The following PLCH2 variants were observed in gnomAD, a reference collection of about 807,000 sequenced individuals.
The protein encoded by PLCH2 is phospholipase C eta 2.
PLCH2 carries 98 observed loss-of-function variants against 134.7 expected under a neutral mutation model. The observed-to-expected ratio is 0.73, with a 90% CI of 0.62 to 0.86. The LOEUF is 0.86. Ranked by LOEUF, PLCH2 falls within the 40% of genes least tolerant of loss-of-function variation. PLCH2 has a pLI of 0.00. For synonymous variants in PLCH2, 974 were observed against 827.5 expected, an observed-to-expected ratio of 1.18 and a Z score of -3.04; for missense variants, 1,994 against 1,986.6, an observed-to-expected ratio of 1.00 and a Z score of -0.07.
rs1054122932 is a variant in PLCH2 at position 2,499,525 on chromosome 1, C to T, written c.2582-116C>T. The T allele has an allele frequency of 9.1e-5, 75 of 821,780 alleles. 1 individual carries two copies. Among genetic ancestry groups the T allele is most frequent in the Non-Finnish European group, 1.5e-4 (75 of 498,770 alleles). 50.9% of individuals were successfully genotyped at this position (821,780 alleles called of 1,614,324 possible). A position where few individuals can be genotyped will look rare whatever the true frequency, so the allele number is the denominator to read the frequency against. ...CCCACAGGAGGCAGAGGCCCCAGGC[C>T]TGGGCTTGTTGGGTGTATCTGGGGT... On this transcript the variant is annotated intron_variant, in intron 19 of 21. Transcript: ENST00000378486.
At chr1:2,474,054 C>T (rs541746035), upstream of PLCH2, among the ~76,000 whole-genome samples, 1 of 152,344 alleles carries the variant, frequency 6.6e-6, no homozygotes, top group South Asian at 2.1e-4. Flanking sequence ...TGTGGGCTTT[C>T]AGGATGGCCG....
rs77031436 is a variant in PLCH2 at position 2,480,274 on chromosome 1, G to A, written c.607G>A (p.Val203Met). 5.0e-6 allele frequency: 8 copies of A among 1,612,716 alleles called. No individual in the cohort carries two copies. Among genetic ancestry groups the A allele is most frequent in the East Asian group, 2.2e-5 (1 of 44,884 alleles). ...CCTGCAGCTGCTGCACAAGCTCAAC[G>A]TGAACCTGCCCCGGCAGAGGGTGAA... ...EVLQLLHKLN[V>M]NLPRQRVKQM... The change falls in exon 4 of 22, where the codon GTG (valine) becomes ATG (methionine). Residue 203 changes from valine to methionine, a missense_variant. Val to Met is a conservative substitution (Grantham distance 21, BLOSUM62 1). Around this residue, in one of 2 missense-constraint regions of PLCH2, gnomAD observed 1,094 missense variants for 1,234.3 expected, o/e 0.89. Transcript: ENST00000378486.
upstream of PLCH2, among the ~76,000 whole-genome samples, chr1:2,467,218 G>A (rs955491419): frequency 3.3e-5 from 5 of 152,134 alleles, no homozygotes; most frequent in African/African-American, 1.2e-4. Context: ...ATGAACGGTG[G>A]GTGGTCGCTC....
In PLCH2 at chr1:2,505,296, G is replaced by A. The variant is rs892943061; in HGVS notation, c.*83G>A. On this transcript the variant is annotated 3_prime_UTR_variant, in exon 22 of 22. Coordinates refer to ENST00000378486, the MANE Select transcript of PLCH2 (RefSeq NM_014638.4). ...GTTTGCTCAGGAAACAGGGCAGCCA[G>A]GCCCCCAAAACTGTGTCCCCCTGGC... 7.1e-6 allele frequency: 8 copies of A among 1,124,818 alleles called. No individual in the cohort carries two copies. The Admixed American group carries it at 1.2e-4, about 17-fold the overall frequency. 69.7% of individuals were successfully genotyped at this position (1,124,818 alleles called of 1,614,324 possible). A position where few individuals can be genotyped will look rare whatever the true frequency, so the allele number is the denominator to read the frequency against.
Position 2,489,795 on chromosome 1 carries a change from G to A in PLCH2, c.1443G>A (p.Ala481=), listed in dbSNP as rs528118358. ...KKLPANISED[A]EEGEVSDEDS... is the part of the protein sequence containing the mutation. ...TCCCAGCCAACATCAGCGAGGATGCGGAGGAAGGCGAGGTGTCTGATGAGG... is the reference window on the plus strand; with the variant it reads ...TCCCAGCCAACATCAGCGAGGATGCAGAGGAAGGCGAGGTGTCTGATGAGG... The change falls in exon 10 of 22, where the codon GCG becomes GCA. Residue 481 remains alanine (A), a synonymous_variant. Coordinates refer to ENST00000378486, the MANE Select transcript of PLCH2 (RefSeq NM_014638.4). 29 of 1,613,724 alleles carry A rather than the reference G, an allele frequency of 1.8e-5. No individual in the cohort carries two copies. Among genetic ancestry groups the A allele is most frequent in the East Asian group, 4.5e-5 (2 of 44,880 alleles).
chr1:2,431,376 C>G (rs1639063437), intron 2 of PLCH2, among the ~76,000 whole-genome samples: 1 of 152,168 alleles, frequency 6.6e-6, no homozygotes, highest in Non-Finnish European at 1.5e-5. Flanking sequence ...CTGTGCCTCA[C>G]AGAGGTGGCT....
At chr1:2,489,563 G>A (rs1200142520) in intron 9 of PLCH2, among the ~76,000 whole-genome samples, 185 bp downstream of exon 9, 1 of 152,248 alleles carries the variant, frequency 6.6e-6, no homozygotes, top group Non-Finnish European at 1.5e-5. Context: ...GGCCCCTCAT[G>A]CACATCCAGG....
At chr1:2,488,798 C>T (rs1642411761) in intron 8 of PLCH2, among the ~76,000 whole-genome samples, 1 of 152,170 alleles carries the variant, frequency 6.6e-6, no homozygotes, top group Admixed American at 6.5e-5. Flanking sequence ...GGACAGGGTC[C>T]CCAGTATCTA....
rs567136550 is a variant in PLCH2 at position 2,435,549 on chromosome 1, G to T, written c.115+4920G>T. On this transcript the variant is annotated intron_variant, in intron 2 of 3. Coordinates refer to the PLCH2 transcript ENST00000609981. ...GGGGCCTCTCTTTGCAGGGACTGGG[G>T]AAGGGGCCAGGGACCTCAATGGGGT... Among the ~76,000 whole-genome samples, 11 of 152,242 alleles carry T rather than the reference G, an allele frequency of 7.2e-5. No homozygotes were observed. The South Asian group carries it at 1.5e-3, about 20-fold the overall frequency.
At position 2,497,070 on chromosome 1, in the gene PLCH2, A is replaced by G. The variant is rs929011763; in HGVS notation, c.2116+60A>G. On this transcript the variant is annotated intron_variant, in intron 15 of 21. Coordinates refer to ENST00000378486, the MANE Select transcript of PLCH2 (RefSeq NM_014638.4). Reference sequence around the variant, plus strand: ...GAGGGCTCGGCTCAGACGGTCCCTGAAGCCCAAGGGGCGAGCAGGGGACCC... The same window carrying G: ...GAGGGCTCGGCTCAGACGGTCCCTGGAGCCCAAGGGGCGAGCAGGGGACCC... 9 of 1,536,964 alleles carry G rather than the reference A, an allele frequency of 5.9e-6. No homozygotes were observed. The Admixed American group carries it at 1.7e-4, about 29-fold the overall frequency.
Position 2,503,154 on chromosome 1 carries a change from TG to T in PLCH2, c.2959+748del, listed in dbSNP as rs1027658701. ...GGAGCTGGTTTGAGGCCCGACAGGC[TG>T]GGAAGAACCAGCTGCTCTTGCTGAG... On this transcript the variant is annotated intron_variant, in intron 21 of 21. Transcript: ENST00000378486. 7 of 641,532 alleles carry T rather than the reference TG, an allele frequency of 1.1e-5. No homozygotes were observed. In the African/African-American group the frequency reaches 1.3e-4, roughly 11 times the overall value. The allele number at this position is 641,532 out of a possible 1,614,324, so 39.7% of individuals were successfully genotyped here.
At chr1:2,459,465 TCTCCTTCCTGGTGGTC>T (rs1557969699) in intron 2 of PLCH2, among the ~76,000 whole-genome samples, 10 of 22,054 alleles carry the variant, frequency 4.5e-4, no homozygotes, top group South Asian at 2.4e-3. Context: ...TCCTGGTGGT[TCTCCTTCCTGGTGGTC>T]CTCCTTCCTG....
chr1:2,483,982 TGTGGGGGGGCGCTG>T lies in PLCH2; in HGVS notation c.646-465_646-452del, dbSNP rs2100670135. Among the ~76,000 whole-genome samples the T allele has an allele frequency of 4.5e-5, 4 of 89,392 alleles. 2 individuals are homozygous for T. The highest frequency in any genetic ancestry group is 1.9e-4 in the African/African-American group (4 of 21,422). 58.6% of individuals were successfully genotyped at this position (89,392 alleles called of 152,430 possible). ...CCGTGTGGGGGGGCGCTGACTCCCG[TGTGGGGGGGCGCTG>T]ACTCCCGTGTGGGGGGGCGCTGACT... On this transcript the variant is annotated intron_variant, in intron 4 of 21. Coordinates refer to ENST00000378486, the MANE Select transcript of PLCH2 (RefSeq NM_014638.4).
upstream of PLCH2, among the ~76,000 whole-genome samples, chr1:2,425,292 C>A (rs1638738001): frequency 6.6e-6 from 1 of 151,920 alleles, no homozygotes; most frequent in Admixed American, 6.6e-5. Flanking sequence ...TATACACATG[C>A]ACAGATACAC....
At position 2,429,150 on chromosome 1, in the gene PLCH2, G is replaced by A. The variant is rs116169403; in HGVS notation, c.-177-1188G>A. On this transcript the variant is annotated intron_variant, in intron 1 of 3. Transcript: ENST00000609981. ...GGGGATTGGGTGCGAGGAGGGAGGC[G>A]AGGTCAAGGGTGGGGGTCCTACCTG... Among the ~76,000 whole-genome samples, 972 of 152,280 alleles carry A rather than the reference G, an allele frequency of 6.4e-3. 6 individuals are homozygous for A. Among genetic ancestry groups the A allele is most frequent in the Non-Finnish European group, 0.011 (722 of 67,984 alleles).
intron 2 of PLCH2, among the ~76,000 whole-genome samples, chr1:2,452,062 C>T (rs919122486): frequency 1.3e-5 from 2 of 152,166 alleles, no homozygotes; most frequent in African/African-American, 2.4e-5. Flanking sequence ...TGGCAGTGCA[C>T]GGGAAGGCGC....
chr1:2,467,382 G>A, upstream of PLCH2: 1 of 383,226 alleles, frequency 2.6e-6, no homozygotes, highest in Non-Finnish European at 4.6e-6. Context: ...CAAGGGTTAA[G>A]TGGGCGGGGC....
At chr1:2,470,169 G>A (rs191820916) in intron 1 of PLCH2, among the ~76,000 whole-genome samples, 62 of 152,360 alleles carry the variant, frequency 4.1e-4, no homozygotes, top group African/African-American at 1.4e-3. Flanking sequence ...GAGTGGTCTT[G>A]ATTTCACATT....
In PLCH2 at chr1:2,504,329, G is replaced by A. The variant is rs201413432; in HGVS notation, c.3367G>A (p.Asp1123Asn). 973 of 1,609,930 alleles carry A rather than the reference G, an allele frequency of 6.0e-4. 1 individual carries two copies. The highest frequency in any genetic ancestry group is 7.9e-4 in the Non-Finnish European group (928 of 1,179,152). ...CTTTCCAGCTCCTGCCGTGTACTCC[G>A]ATGCCACGGGCAGTGACCCGCTGTG... ...APFPAPAVYS[D>N]ATGSDPLWQR... The change falls in exon 22 of 22, where the codon GAT becomes AAT. Residue 1123 changes from aspartate (D) to asparagine (N), a missense_variant. Physicochemically the swap from Asp to Asn is conservative, Grantham distance 23. Around this residue, in one of 2 missense-constraint regions of PLCH2, gnomAD observed 900 missense variants for 752.3 expected, o/e 1.20. Coordinates refer to ENST00000378486, the MANE Select transcript of PLCH2 (RefSeq NM_014638.4).
Sources: gnomAD v4.1 joint callset for allele counts (sites outside exome capture counted in the v4.1 genomes callset) on GRCh38, gnomAD v4.1.1 for gene constraint, gnomAD v4.1.1 regional missense constraint, MANE v1.5 for transcripts, NCBI Gene and HGNC (gene_info 2026-07-23, HGNC 2026-07-21) for gene names.